The following DLGAP2 variants were observed in gnomAD, a reference collection of about 807,000 sequenced individuals.
DLGAP2 encodes the protein DLG associated protein 2, also known as disks large-associated protein 2.
In DLGAP2, 26 loss-of-function variants were observed where a neutral mutation model predicts 100.3. The ratio of observed to expected loss-of-function variants is 0.26; its 90% CI spans 0.19 to 0.36. The LOEUF is 0.36. Ranked by LOEUF, DLGAP2 falls within the 10% of genes least tolerant of loss-of-function variation. DLGAP2 has a pLI of 1.00. For missense variants in DLGAP2, 1,858 were observed against 1,453.2 expected, an observed-to-expected ratio of 1.28 and a Z score of -4.53; for synonymous variants, 886 against 630.1, an observed-to-expected ratio of 1.41 and a Z score of -6.08.
chr8:860,469 A>G (rs952241377), intron 1 of DLGAP2, among the ~76,000 whole-genome samples: 1 of 152,176 alleles, frequency 6.6e-6, no homozygotes, highest in South Asian at 2.1e-4. Context: ...AATGAATTTC[A>G]TTGTCCTGGA....
rs910658012 is a variant in DLGAP2, at chr8:1,669,603, A to C, written c.2161-140A>C. 4 of 685,708 alleles carry C rather than the reference A, an allele frequency of 5.8e-6. No homozygotes were observed. The African/African-American group carries it at 7.1e-5, about 12-fold the overall frequency. The allele number at this position is 685,708 out of a possible 1,614,324, so 42.5% of individuals were successfully genotyped here. A position where few individuals can be genotyped will look rare whatever the true frequency, so the allele number is the denominator to read the frequency against. The stretch of plus-strand genomic sequence containing the variant: ...TTGCCGCTGGGGCGGCCCAGGGAGG[A>C]GGGTGAGTGGAGCGTGCTGAGAGCC... On this transcript the variant is annotated intron_variant, in intron 9 of 14. Transcript: ENST00000637795.
At chr8:1,007,547 C>T (rs1801154316) in intron 2 of DLGAP2, among the ~76,000 whole-genome samples, 1 of 151,996 alleles carries the variant, frequency 6.6e-6, no homozygotes, top group African/African-American at 2.4e-5. Context: ...GTACACGAAG[C>T]CATGTGGCCA....
At chr8:896,839 C>T (rs774080582) in intron 1 of DLGAP2, among the ~76,000 whole-genome samples, 2 of 152,188 alleles carry the variant, frequency 1.3e-5, no homozygotes, top group Non-Finnish European at 2.9e-5. Context: ...TTATCAGCCC[C>T]AGCTGACTAA....
intron 1 of DLGAP2, among the ~76,000 whole-genome samples, chr8:894,478 A>G (rs1359181795): frequency 1.3e-5 from 2 of 151,894 alleles, no homozygotes; most frequent in East Asian, 4.0e-4. Context: ...ATTTGTGGAA[A>G]CATGGATGGA....
intron 8 of DLGAP2, among the ~76,000 whole-genome samples, chr8:1,663,630 G>A (rs569083101): frequency 5.9e-5 from 9 of 152,204 alleles, no homozygotes; most frequent in South Asian, 4.2e-4. Flanking sequence ...TTTCCCTTGC[G>A]CCCTGAGCGT....
chr8:1,454,693 G>C (rs1236871429), intron 3 of DLGAP2, among the ~76,000 whole-genome samples: 1 of 152,160 alleles, frequency 6.6e-6, no homozygotes, highest in Non-Finnish European at 1.5e-5. Context: ...TTCTCTAAGG[G>C]AGTTCAGCTT....
At chr8:1,535,416 G>A (rs930477271) in intron 4 of DLGAP2, among the ~76,000 whole-genome samples, 1 of 152,192 alleles carries the variant, frequency 6.6e-6, no homozygotes, top group African/African-American at 2.4e-5. Context: ...CTCACCCCAC[G>A]ATGGGTCAGG....
chr8:1,341,464 A>G (rs1323358097), intron 3 of DLGAP2, among the ~76,000 whole-genome samples: 1 of 152,196 alleles, frequency 6.6e-6, no homozygotes, highest in Non-Finnish European at 1.5e-5. Flanking sequence ...TGAAACACAT[A>G]TAGGCGTATT....
At chr8:1,202,278 G>T (rs1442732450) in intron 2 of DLGAP2, among the ~76,000 whole-genome samples, 1 of 142,148 alleles carries the variant, frequency 7.0e-6, no homozygotes, top group Admixed American at 7.0e-5. Context: ...GTGTGTCTGT[G>T]GTGCATGTAT....
At chr8:1,521,051 G>A (rs537134236) in intron 4 of DLGAP2, among the ~76,000 whole-genome samples, 6 of 152,174 alleles carry the variant, frequency 3.9e-5, no homozygotes, top group South Asian at 4.1e-4. Flanking sequence ...CGTTCTATTC[G>A]GGGTGTGGTG....
chr8:1,646,688 G>A (rs1052901797), intron 8 of DLGAP2, among the ~76,000 whole-genome samples: 7 of 152,192 alleles, frequency 4.6e-5, no homozygotes, highest in African/African-American at 1.7e-4. Context: ...CGCTGTCTCA[G>A]TGTCAATGTG....
At chr8:1,328,171 C>G (rs1031382823) in intron 3 of DLGAP2, among the ~76,000 whole-genome samples, 1 of 151,974 alleles carries the variant, frequency 6.6e-6, no homozygotes, top group Non-Finnish European at 1.5e-5. Context: ...TCCCAAGTAG[C>G]CGGGACTACA....
intron 1 of DLGAP2, among the ~76,000 whole-genome samples, chr8:841,016 C>T (rs1295267726): frequency 6.6e-6 from 1 of 152,088 alleles, no homozygotes; most frequent in Non-Finnish European, 1.5e-5. Context: ...GAGCCTAGGC[C>T]CATTAATTCA....
In DLGAP2 at chr8:999,480, CTTTTTTTT is replaced by C. The variant is rs779189186; in HGVS notation, c.73+91522_73+91529del. Among the ~76,000 whole-genome samples the C allele has an allele frequency of 2.9e-5, 4 of 137,298 alleles. No homozygotes were observed. The South Asian group carries it at 7.4e-4, about 25-fold the overall frequency. 90.1% of individuals were successfully genotyped at this position (137,298 alleles called of 152,430 possible). A position where few individuals can be genotyped will look rare whatever the true frequency, so the allele number is the denominator to read the frequency against. On this transcript the variant is annotated intron_variant, in intron 2 of 14. Coordinates refer to ENST00000637795, the MANE Select transcript of DLGAP2 (RefSeq NM_001346810.2). ...TCTTGGTCTTGTGGTGGTGGTTTTT[CTTTTTTTT>C]TTTTTTTCCCGATGGAGTGTCGGTC...
intron 3 of DLGAP2, among the ~76,000 whole-genome samples, chr8:1,387,184 G>A (rs1796240385): frequency 6.6e-6 from 1 of 152,304 alleles, no homozygotes; most frequent in African/African-American, 2.4e-5. Context: ...GAGGAGGTGA[G>A]GGCTTGTCTG....
intron 4 of DLGAP2, among the ~76,000 whole-genome samples, chr8:1,520,285 C>T (rs79087049): frequency 0.031 from 4,680 of 152,238 alleles, 204 homozygotes; most frequent in East Asian, 0.12. Flanking sequence ...AACGCTGGGG[C>T]ACACGGAGGG....
chr8:984,364 A>G (rs191567792), intron 2 of DLGAP2, among the ~76,000 whole-genome samples: 4 of 152,312 alleles, frequency 2.6e-5, no homozygotes, highest in African/African-American at 9.6e-5. Context: ...GTCCATAAAA[A>G]AACTTCACTA....
intron 8 of DLGAP2, among the ~76,000 whole-genome samples, chr8:1,652,340 A>C (rs748699862): frequency 2.0e-5 from 3 of 152,224 alleles, no homozygotes; most frequent in Non-Finnish European, 2.9e-5. Context: ...CTAGAATATA[A>C]GTTCCACAGG....
chr8:1,634,567 A>C (rs1420517198), intron 8 of DLGAP2, among the ~76,000 whole-genome samples: 2 of 152,222 alleles, frequency 1.3e-5, no homozygotes, highest in Non-Finnish European at 2.9e-5. Flanking sequence ...CCTGATGTGA[A>C]CATTGAACAA....
Sources: gnomAD v4.1 joint callset for allele counts (sites outside exome capture counted in the v4.1 genomes callset) on GRCh38, gnomAD v4.1.1 for gene constraint, MANE v1.5 for transcripts, NCBI Gene and HGNC (gene_info 2026-07-23, HGNC 2026-07-21) for gene names.